The following PAX7 variants were observed in gnomAD, a reference collection of about 807,000 sequenced individuals.
The protein encoded by PAX7 is paired box protein Pax-7.
Under a neutral mutation model 50.7 loss-of-function variants are expected in PAX7, and 18 were observed. That is an observed-to-expected ratio of 0.36 (90% confidence interval 0.25 to 0.53). PAX7 has a LOEUF of 0.53. Among genes scored for constraint, PAX7 ranks in the 20% least tolerant of loss-of-function variants. The pLI is 0.93. For synonymous variants in PAX7, 310 were observed against 290.4 expected, an observed-to-expected ratio of 1.07 and a Z score of -0.69; for missense variants, 644 against 702.9, an observed-to-expected ratio of 0.92 and a Z score of 0.95.
intron 4 of PAX7, among the ~76,000 whole-genome samples, chr1:18,677,465 T>C (rs571368796): frequency 1.3e-5 from 2 of 152,314 alleles, no homozygotes; most frequent in East Asian, 3.9e-4. Context: ...CTGTAGCTTT[T>C]GTTAGTGTGG....
At chr1:18,677,908 C>G (rs2088846171) in intron 4 of PAX7, among the ~76,000 whole-genome samples, 1 of 150,506 alleles carries the variant, frequency 6.6e-6, no homozygotes, top group Admixed American at 6.6e-5. Context: ...ATGGTGCAAC[C>G]CTGTCTCTAC....
At chr1:18,681,099 G>C (rs57928464) in intron 4 of PAX7, among the ~76,000 whole-genome samples, 1 of 150,580 alleles carries the variant, frequency 6.6e-6, no homozygotes, top group South Asian at 2.1e-4. Context: ...CCTGGGAGGC[G>C]GAGGTTGCGG....
chr1:18,735,940 C>T lies in PAX7; in HGVS notation c.1402+62C>T. 1 of 1,613,970 alleles carries T rather than the reference C, an allele frequency of 6.2e-7. No homozygotes were observed. The highest frequency in any genetic ancestry group is 8.5e-7 in the Non-Finnish European group (1 of 1,180,022). ...TTCCTTCTCCCACCCCCAGGGCCTC[C>T]TGCTTGTTTATGGAGAGCTACAAGG... On this transcript the variant is annotated intron_variant, in intron 8 of 8. Coordinates refer to ENST00000420770, the MANE Select transcript of PAX7 (RefSeq NM_001135254.2). This position sits in a 1 kb window ranked among gnomAD's most constrained non-coding sequence, Gnocchi z 4.0.
At position 18,700,250 on chromosome 1, in the gene PAX7, T is replaced by TG. The variant is rs2089201100; in HGVS notation, c.787-397dup. ...GGGTTGCAGATGCGTGGCTTCCTCC[T>TG]GGGGGGCTTCCTGGAGGAGGTGGTC... is the stretch of plus-strand genomic sequence containing the variant. On this transcript the variant is annotated intron_variant, in intron 5 of 8. Transcript: ENST00000420770. The surrounding 1 kb of genome is among the most constrained non-coding windows in gnomAD (Gnocchi z 4.8). Among the ~76,000 whole-genome samples, 1 of 151,878 alleles carries TG rather than the reference T, an allele frequency of 6.6e-6. No individual in the cohort carries two copies. The highest frequency in any genetic ancestry group is 1.5e-5 in the Non-Finnish European group (1 of 67,970).
intron 7 of PAX7, among the ~76,000 whole-genome samples, chr1:18,728,466 A>G (rs1439104718): frequency 6.6e-6 from 1 of 151,594 alleles, no homozygotes; most frequent in Non-Finnish European, 1.5e-5. Flanking sequence ...ATGAGTATGG[A>G]TGTGTCATGG....
At chr1:18,736,974 ACTCT>A (rs375543207) in intron 8 of PAX7, among the ~76,000 whole-genome samples, 26 of 151,906 alleles carry the variant, frequency 1.7e-4, no homozygotes, top group African/African-American at 6.3e-4. Flanking sequence ...TGTGTTTCCA[ACTCT>A]CTCCTCCACT....
At chr1:18,731,934 C>A (rs1301078195) in intron 7 of PAX7, among the ~76,000 whole-genome samples, 1 of 152,126 alleles carries the variant, frequency 6.6e-6, no homozygotes, top group Non-Finnish European at 1.5e-5. Context: ...CTGCACAAGC[C>A]CTCGCAGCTC....
chr1:18,671,691 A>C (rs2100238279), intron 4 of PAX7, among the ~76,000 whole-genome samples: 1 of 152,234 alleles, frequency 6.6e-6, no homozygotes, highest in African/African-American at 2.4e-5. Context: ...CTTCATTTTA[A>C]AATGGGAACA....
intron 7 of PAX7, among the ~76,000 whole-genome samples, chr1:18,720,711 TG>T (rs1345280068): frequency 2.7e-5 from 4 of 145,842 alleles, no homozygotes; most frequent in African/African-American, 1.0e-4. Flanking sequence ...TGGTGGAGAC[TG>T]GGGGGAGAGA....
chr1:18,681,817 T>A (rs1357253148), intron 4 of PAX7, among the ~76,000 whole-genome samples: 1 of 152,072 alleles, frequency 6.6e-6, no homozygotes, highest in African/African-American at 2.4e-5. Flanking sequence ...AATGGTGCAA[T>A]CTCAGCTTAC....
chr1:18,737,533 T>A (rs12117997), intron 8 of PAX7, among the ~76,000 whole-genome samples: 12,358 of 152,304 alleles, frequency 0.081, 605 homozygotes, highest in African/African-American at 0.13. Flanking sequence ...GTTACAATTC[T>A]TGTGTGTGTG....
At chr1:18,638,574 T>A (rs2088198888) in intron 4 of PAX7, among the ~76,000 whole-genome samples, 1 of 152,226 alleles carries the variant, frequency 6.6e-6, no homozygotes, top group Non-Finnish European at 1.5e-5. Context: ...GTGCGCTGAT[T>A]GTGCTTTGAA....
At chr1:18,649,520 G>A (rs1465600705) in intron 4 of PAX7, among the ~76,000 whole-genome samples, 1 of 151,894 alleles carries the variant, frequency 6.6e-6, no homozygotes, top group East Asian at 1.9e-4. Context: ...GACAATTGCA[G>A]CCCCCATCCC....
chr1:18,646,524 AAACT>A (rs1357116542), intron 4 of PAX7, among the ~76,000 whole-genome samples: 1 of 151,952 alleles, frequency 6.6e-6, no homozygotes, highest in African/African-American at 2.4e-5. Context: ...AGCGGTTTGG[AAACT>A]GGTCAGCGGG....
intron 8 of PAX7, among the ~76,000 whole-genome samples, chr1:18,740,634 A>C (rs1450086130): frequency 6.6e-6 from 1 of 152,174 alleles, no homozygotes; most frequent in Non-Finnish European, 1.5e-5. Flanking sequence ...GCCAGTGAAA[A>C]CTAGAACTAC....
In PAX7 at chr1:18,724,213, C is replaced by T. The variant is rs188880221; in HGVS notation, c.1156-11419C>T. Among the ~76,000 whole-genome samples, 465 of 151,306 alleles carry T rather than the reference C, an allele frequency of 3.1e-3. 2 individuals are homozygous for T. Among genetic ancestry groups the T allele is most frequent in the Non-Finnish European group, 5.1e-3 (345 of 67,942 alleles). ...GAGGGCTGGCTGGGCCCCACTCCACCAGTCGAGGCTGGCTCAAGGCCTCCC... is the reference window on the plus strand; with the variant it reads ...GAGGGCTGGCTGGGCCCCACTCCACTAGTCGAGGCTGGCTCAAGGCCTCCC... On this transcript the variant is annotated intron_variant, in intron 7 of 8. Coordinates refer to ENST00000420770, the MANE Select transcript of PAX7 (RefSeq NM_001135254.2).
intron 4 of PAX7, among the ~76,000 whole-genome samples, chr1:18,641,713 A>T (rs777164443): frequency 2.6e-4 from 40 of 152,328 alleles, no homozygotes; most frequent in Non-Finnish European, 4.7e-4. Context: ...AGGCTGGGGG[A>T]AGACTTCAAA....
chr1:18,660,330 C>T (rs1230404885), intron 4 of PAX7, among the ~76,000 whole-genome samples: 5 of 152,142 alleles, frequency 3.3e-5, no homozygotes, highest in African/African-American at 7.2e-5. Flanking sequence ...CTCTGACACA[C>T]GCCACATTCT....
intron 4 of PAX7, among the ~76,000 whole-genome samples, chr1:18,661,016 C>T (rs1159431691): frequency 6.6e-6 from 1 of 152,042 alleles, no homozygotes; most frequent in African/African-American, 2.4e-5. Context: ...AAGTAAAAAG[C>T]ACACACGCAT....
Sources: allele counts gnomAD v4.1 joint callset (sites outside exome capture counted in the v4.1 genomes callset), GRCh38; gene constraint gnomAD v4.1.1; non-coding constraint Gnocchi (gnomAD v3.1); transcripts MANE v1.5; gene names NCBI Gene and HGNC (gene_info 2026-07-23, HGNC 2026-07-21).